Variants in MIS18A observed in about 807,000 individuals in gnomAD.
MIS18A encodes the protein protein Mis18-alpha.
In MIS18A, 14 loss-of-function variants were observed where a neutral mutation model predicts 25.0. That is an observed-to-expected ratio of 0.56 (90% CI 0.37 to 0.88). The LOEUF is 0.88. MIS18A is among the 40% of genes least tolerant of loss of function. The probability of loss-of-function intolerance (pLI) is 0.00; values close to 1 mark genes in which losing one functional copy is unlikely to be tolerated. For synonymous variants in MIS18A, 134 were observed against 118.6 expected (o/e 1.13, Z -0.84); for missense variants, 292 against 290.8 (o/e 1.00, Z -0.03).
chr21:32,238,145 A>T, the MIS18A span, among the ~76,000 whole-genome samples: 1 of 152,224 alleles, frequency 6.6e-6, no homozygotes, highest in Non-Finnish European at 1.5e-5. Context: ...CTAAAGCCCC[A>T]TCATAGATTT....
At chr21:32,176,940 C>T in the MIS18A span, among the ~76,000 whole-genome samples, 1 of 151,826 alleles carries the variant, frequency 6.6e-6, no homozygotes, top group African/African-American at 2.4e-5. Context: ...GAAGACATTA[C>T]AAGAAGAGAA....
chr21:32,160,693 G>A, the MIS18A span, among the ~76,000 whole-genome samples: 1 of 151,092 alleles, frequency 6.6e-6, no homozygotes, highest in Non-Finnish European at 1.5e-5. Flanking sequence ...GTGCAATGGC[G>A]TGATCTCAGC....
chr21:32,273,262 T>A (rs993419563), intron 2 of MIS18A, among the ~76,000 whole-genome samples: 3 of 151,966 alleles, frequency 2.0e-5, no homozygotes, highest in Middle Eastern at 3.4e-3. Context: ...AACCCATGGG[T>A]TTTTTGGAGG....
chr21:32,191,393 C>A, the MIS18A span, among the ~76,000 whole-genome samples: 1 of 152,016 alleles, frequency 6.6e-6, no homozygotes, highest in Non-Finnish European at 1.5e-5. Context: ...AGTTCAAGAC[C>A]AGCCTGAGAA....
chr21:32,182,653 C>T, the MIS18A span, among the ~76,000 whole-genome samples: 1 of 152,134 alleles, frequency 6.6e-6, no homozygotes, highest in South Asian at 2.1e-4. Context: ...CCTAGGGTGC[C>T]AAGAGATTCA....
At chr21:32,270,024 T>C (rs1347301613) in intron 3 of MIS18A, among the ~76,000 whole-genome samples, 1 of 152,034 alleles carries the variant, frequency 6.6e-6, no homozygotes, top group Admixed American at 6.6e-5. Context: ...CAGAAAGCTA[T>C]GACCACAGCA....
chr21:32,193,502 AGATAGATAGATAGATAGATGGATAGATC>A, the MIS18A span, among the ~76,000 whole-genome samples: 31 of 103,046 alleles, frequency 3.0e-4, no homozygotes, highest in South Asian at 8.4e-4. Context: ...ATAGATAGAT[AGATAGATAGATAGATAGATGGATAGATC>A]GATCGATCTA....
chr21:32,192,585 C>T, the MIS18A span, among the ~76,000 whole-genome samples: 1 of 152,306 alleles, frequency 6.6e-6, no homozygotes, highest in East Asian at 1.9e-4. Context: ...CATGGTCTCT[C>T]GTGGATTCAC....
chr21:32,238,099 C>T, the MIS18A span, among the ~76,000 whole-genome samples: 2 of 152,184 alleles, frequency 1.3e-5, no homozygotes, highest in South Asian at 2.1e-4. Flanking sequence ...AGTGTCTCCA[C>T]ACTCATCTCT....
chr21:32,161,961 C>A, the MIS18A span, among the ~76,000 whole-genome samples: 2 of 151,866 alleles, frequency 1.3e-5, no homozygotes, highest in Non-Finnish European at 2.9e-5. Flanking sequence ...ATTATATTAA[C>A]CTCAAAATAA....
the MIS18A span, chr21:32,259,799 T>C: frequency 6.6e-6 from 1 of 152,294 alleles, no homozygotes; most frequent in African/African-American, 2.4e-5. Flanking sequence ...CAAGAATTCA[T>C]TGTATTTGGT....
At chr21:32,233,646 G>C in the MIS18A span, among the ~76,000 whole-genome samples, 1 of 152,144 alleles carries the variant, frequency 6.6e-6, no homozygotes, top group Admixed American at 6.5e-5. Flanking sequence ...TGGGCATATG[G>C]AATCATCCTC....
At chr21:32,179,976 A>G in the MIS18A span, among the ~76,000 whole-genome samples, 1 of 152,222 alleles carries the variant, frequency 6.6e-6, no homozygotes, top group African/African-American at 2.4e-5. Context: ...CTTCAGGAAC[A>G]CAGGTAGAAT....
the MIS18A span, among the ~76,000 whole-genome samples, chr21:32,239,230 C>G: frequency 3.9e-5 from 6 of 152,158 alleles, no homozygotes; most frequent in African/African-American, 1.2e-4. Context: ...ACTTGCTTTC[C>G]GTCCGACCTT....
chr21:32,202,651 T>A, the MIS18A span, among the ~76,000 whole-genome samples: 5 of 152,176 alleles, frequency 3.3e-5, no homozygotes, highest in African/African-American at 1.2e-4. Context: ...ACATCCCCCC[T>A]TGGCAAAAAC....
At chr21:32,203,150 G>C in the MIS18A span, among the ~76,000 whole-genome samples, 1 of 148,466 alleles carries the variant, frequency 6.7e-6, no homozygotes, top group Non-Finnish European at 1.5e-5. Flanking sequence ...CCAGAAAGTA[G>C]AACAGAGACT....
At chr21:32,161,553 G>A in the MIS18A span, among the ~76,000 whole-genome samples, 1 of 151,600 alleles carries the variant, frequency 6.6e-6, no homozygotes, top group Admixed American at 6.6e-5. Context: ...GTGCAGTGGC[G>A]TGATCTCAGC....
At chr21:32,267,334 C>T (rs893144517), downstream of MIS18A, among the ~76,000 whole-genome samples, 3 of 152,174 alleles carry the variant, frequency 2.0e-5, no homozygotes, top group African/African-American at 4.8e-5. Flanking sequence ...AAGGGAGCCT[C>T]GTTAACTTCA....
At chr21:32,215,176 T>C in the MIS18A span, among the ~76,000 whole-genome samples, 3 of 152,224 alleles carry the variant, frequency 2.0e-5, no homozygotes, top group East Asian at 3.9e-4. Flanking sequence ...ACTAACGTGA[T>C]TTAAAAGCCT....
Sources: allele counts gnomAD v4.1 joint callset (sites outside exome capture counted in the v4.1 genomes callset), GRCh38; gene constraint gnomAD v4.1.1; transcripts MANE v1.5; gene names NCBI Gene and HGNC (gene_info 2026-07-23, HGNC 2026-07-21).